Variants in PPFIBP1 observed in about 807,000 individuals in gnomAD.
PPFIBP1 encodes the protein PPFIB scaffold protein 1.
PPFIBP1 carries 112 observed loss-of-function variants against 137.8 expected under a neutral mutation model. The ratio of observed to expected loss-of-function variants is 0.81; its 90% CI spans 0.70 to 0.95. The LOEUF is 0.95. Among genes scored for constraint, PPFIBP1 ranks in the 40% least tolerant of loss-of-function variants. The pLI, the probability that PPFIBP1 is intolerant of heterozygous loss-of-function variation, is 0.00. For synonymous variants in PPFIBP1, 378 were observed against 417.3 expected (o/e 0.91, Z 1.15); for missense variants, 1,083 against 1,196.6 (o/e 0.91, Z 1.40).
intron 4 of PPFIBP1, among the ~76,000 whole-genome samples, chr12:27,642,866 G>C (rs1174989227): frequency 1.3e-5 from 2 of 152,086 alleles, no homozygotes; most frequent in African/African-American, 4.8e-5. Context: ...GAAGTGGAAT[G>C]ATGAGCTTTC....
chr12:27,654,920 G>T, intron 8 of PPFIBP1, 106 bp downstream of exon 8: 3 of 1,439,156 alleles, frequency 2.1e-6, no homozygotes, highest in Non-Finnish European at 2.8e-6. Flanking sequence ...GATAAAGAAG[G>T]TATTTTAAAA....
chr12:27,578,918 C>T (rs6487613), intron 2 of PPFIBP1, among the ~76,000 whole-genome samples: 30,243 of 152,170 alleles, frequency 0.2, 3,258 homozygotes, highest in Middle Eastern at 0.27. Context: ...AGGTAAGGAG[C>T]GTGCTGACAG....
chr12:27,539,350 G>T (rs1220221307), intron 1 of PPFIBP1, among the ~76,000 whole-genome samples: 1 of 152,178 alleles, frequency 6.6e-6, no homozygotes, highest in African/African-American at 2.4e-5. Flanking sequence ...GAGCTGGCGT[G>T]GGTTTATCAG....
At chr12:27,676,806 G>C (rs958593777) in intron 18 of PPFIBP1, 1 of 700,860 alleles carries the variant, frequency 1.4e-6, no homozygotes, top group African/African-American at 1.8e-5. Flanking sequence ...GCTCTCTCCT[G>C]TGGTATAAAC....
intron 1 of PPFIBP1, among the ~76,000 whole-genome samples, chr12:27,542,913 C>T (rs1432752764): frequency 6.6e-6 from 1 of 152,248 alleles, no homozygotes; most frequent in East Asian, 1.9e-4. Context: ...AGATTTTTGG[C>T]ATCATTCATG....
At chr12:27,578,944 G>A (rs528673689) in intron 2 of PPFIBP1, among the ~76,000 whole-genome samples, 29 of 152,336 alleles carry the variant, frequency 1.9e-4, no homozygotes, top group African/African-American at 5.3e-4. Context: ...TAGTCAGTGA[G>A]TGTGAACTGT....
chr12:27,591,025 A>G (rs979627127), intron 2 of PPFIBP1, among the ~76,000 whole-genome samples: 3 of 152,036 alleles, frequency 2.0e-5, no homozygotes, highest in Non-Finnish European at 2.9e-5. Context: ...ATTATCACTC[A>G]TAGTCTTTAT....
intron 23 of PPFIBP1, 49 bp downstream of exon 23, chr12:27,682,547 C>T (rs1566009472): frequency 1.2e-6 from 2 of 1,605,534 alleles, no homozygotes; most frequent in Non-Finnish European, 1.7e-6. Context: ...TACATAGTTG[C>T]TTTTTCTTTT....
At chr12:27,647,879 T>C (rs754900805) in intron 6 of PPFIBP1, 37 bp downstream of exon 6, 2 of 1,586,948 alleles carry the variant, frequency 1.3e-6, no homozygotes, top group Non-Finnish European at 1.7e-6. Flanking sequence ...GGGATTTCCC[T>C]GCTGAACTAT....
intron 1 of PPFIBP1, among the ~76,000 whole-genome samples, chr12:27,543,595 T>C (rs541067386): frequency 2.3e-4 from 35 of 152,266 alleles, no homozygotes; most frequent in Non-Finnish European, 4.1e-4. Flanking sequence ...GTTTATAAAT[T>C]AGAGTTTTAA....
At chr12:27,639,886 C>G (rs999502700) in intron 4 of PPFIBP1, among the ~76,000 whole-genome samples, 1 of 152,190 alleles carries the variant, frequency 6.6e-6, no homozygotes, top group African/African-American at 2.4e-5. Flanking sequence ...GTCCCTGACT[C>G]CCAGCCCCAC....
At chr12:27,682,139 T>G (rs575467007) in intron 22 of PPFIBP1, among the ~76,000 whole-genome samples, 1 of 152,300 alleles carries the variant, frequency 6.6e-6, no homozygotes, top group East Asian at 1.9e-4. Context: ...TTATGCATGC[T>G]ACAGTTCCTA....
chr12:27,554,307 A>T (rs1947065204), intron 1 of PPFIBP1, among the ~76,000 whole-genome samples: 1 of 152,218 alleles, frequency 6.6e-6, no homozygotes, highest in Non-Finnish European at 1.5e-5. Flanking sequence ...ATTTAAAACA[A>T]TTGCTTTCTG....
At chr12:27,664,336 A>T in intron 11 of PPFIBP1, 26 bp from the exon 12 acceptor site, 1 of 1,466,862 alleles carries the variant, frequency 6.8e-7, no homozygotes, top group Non-Finnish European at 9.5e-7. Context: ...CATAGGATTA[A>T]AGATTACAAT....
chr12:27,648,238 T>G (rs112282931), intron 6 of PPFIBP1, among the ~76,000 whole-genome samples: 14,481 of 152,076 alleles, frequency 0.095, 878 homozygotes, highest in Non-Finnish European at 0.14. Context: ...CAAACAGACA[T>G]ATGAAAAGGT....
intron 5 of PPFIBP1, chr12:27,646,391 A>G (rs1467229478): frequency 3.9e-6 from 2 of 515,474 alleles, no homozygotes; most frequent in Non-Finnish European, 7.3e-6. Context: ...TACGGGCACA[A>G]TGTTGTCTGA....
At chr12:27,580,620 AG>A (rs201636099) in intron 2 of PPFIBP1, among the ~76,000 whole-genome samples, 2,541 of 152,334 alleles carry the variant, frequency 0.017, 67 homozygotes, top group African/African-American at 0.058. Flanking sequence ...GAGCGTTTTC[AG>A]TTCACTTTTT....
intron 2 of PPFIBP1, among the ~76,000 whole-genome samples, chr12:27,579,369 G>A (rs913884376): frequency 9.2e-5 from 14 of 152,186 alleles, no homozygotes; most frequent in African/African-American, 3.1e-4. Flanking sequence ...GGGAATAAAT[G>A]TCACAAAGTG....
At chr12:27,569,811 G>A (rs1161303955) in intron 1 of PPFIBP1, among the ~76,000 whole-genome samples, 3 of 151,936 alleles carry the variant, frequency 2.0e-5, no homozygotes, top group South Asian at 2.1e-4. Context: ...CACCTGCCTC[G>A]GCCTCCCAAA....
Sources: allele counts gnomAD v4.1 joint callset (sites outside exome capture counted in the v4.1 genomes callset), GRCh38; gene constraint gnomAD v4.1.1; transcripts MANE v1.5; gene names NCBI Gene and HGNC (gene_info 2026-07-23, HGNC 2026-07-21).